The following AZIN1 variants were observed in gnomAD, a reference collection of about 807,000 sequenced individuals.
AZIN1 encodes ornithine decarboxylase antizyme inhibitor.
Under a neutral mutation model 47.4 loss-of-function variants are expected in AZIN1, and 12 were observed. The ratio of observed to expected loss-of-function variants is 0.25; its 90% confidence interval spans 0.16 to 0.41. The LOEUF is 0.41. Ranked by LOEUF, AZIN1 falls within the 10% of genes least tolerant of loss-of-function variation. The pLI is 1.00. For synonymous variants in AZIN1, 155 were observed against 176.3 expected (o/e 0.88, Z 0.96); for missense variants, 410 against 532.4 (o/e 0.77, Z 2.26).
At chr8:102,833,023 A>G (rs778518219) in intron 9 of AZIN1, 33 bp downstream of exon 9, 2 of 1,551,788 alleles carry the variant, frequency 1.3e-6, no homozygotes, top group East Asian at 4.5e-5. Context: ...ATTATCTACC[A>G]ACAAAAATAA....
chr8:102,834,786 G>T, intron 6 of AZIN1, 39 bp from the exon 7 acceptor site: 1 of 1,412,714 alleles, frequency 7.1e-7, no homozygotes, highest in East Asian at 2.3e-5. Context: ...GGAGCAGAAA[G>T]TTGTAGAGAC....
chr8:102,860,226 T>C (rs1260199971), intron 1 of AZIN1, among the ~76,000 whole-genome samples: 1 of 152,198 alleles, frequency 6.6e-6, no homozygotes, highest in Admixed American at 6.5e-5. Context: ...GAGGGCTCGG[T>C]TGGTCAGTAA....
At chr8:102,860,293 C>T (rs2513876) in intron 1 of AZIN1, among the ~76,000 whole-genome samples, 32,662 of 152,098 alleles carry the variant, frequency 0.21, 4,075 homozygotes, top group South Asian at 0.38. Context: ...GACGGAGTCT[C>T]GCTCTGTCAC....
intron 3 of AZIN1, 106 bp downstream of exon 3, chr8:102,843,445 C>G: frequency 1.1e-6 from 1 of 919,816 alleles, no homozygotes; most frequent in Non-Finnish European, 1.7e-6. Flanking sequence ...AATCAGATAG[C>G]ATATGAACCA....
At chr8:102,860,075 G>A (rs557024092) in intron 1 of AZIN1, among the ~76,000 whole-genome samples, 7 of 152,292 alleles carry the variant, frequency 4.6e-5, no homozygotes, top group African/African-American at 1.7e-4. Context: ...TATCCGGACA[G>A]TTAGGATAAA....
chr8:102,832,205 G>T (rs535591226), intron 9 of AZIN1, among the ~76,000 whole-genome samples: 19 of 151,954 alleles, frequency 1.3e-4, no homozygotes, highest in South Asian at 1.2e-3. Context: ...GAGAAATGAC[G>T]AATTCAATGT....
At chr8:102,860,800 G>A (rs1437557310) in intron 1 of AZIN1, among the ~76,000 whole-genome samples, 2 of 152,110 alleles carry the variant, frequency 1.3e-5, no homozygotes, top group Non-Finnish European at 2.9e-5. Context: ...ATCGTTCTGT[G>A]GTATTCTTTG....
At chr8:102,857,630 C>G (rs1216425793) in intron 2 of AZIN1, among the ~76,000 whole-genome samples, 1 of 151,868 alleles carries the variant, frequency 6.6e-6, no homozygotes, top group African/African-American at 2.4e-5. Context: ...CTCTATCTAT[C>G]TCTATCATCT....
intron 2 of AZIN1, among the ~76,000 whole-genome samples, chr8:102,846,435 T>C (rs950727497): frequency 1.3e-5 from 2 of 152,242 alleles, no homozygotes; most frequent in Non-Finnish European, 2.9e-5. Context: ...AACATGTTTA[T>C]AGCAGTCTCC....
intron 3 of AZIN1, among the ~76,000 whole-genome samples, chr8:102,841,511 G>C (rs1434586428): frequency 6.6e-6 from 1 of 152,176 alleles, no homozygotes; most frequent in Non-Finnish European, 1.5e-5. Flanking sequence ...GAGCTTCCCA[G>C]TGGCAACTGA....
intron 7 of AZIN1, 81 bp downstream of exon 7, chr8:102,834,585 C>T: frequency 9.3e-7 from 1 of 1,074,636 alleles, no homozygotes. Context: ...GAGTAATTCA[C>T]ACAGGCAGAA....
At position 102,834,209 on chromosome 8, in the gene AZIN1, T is replaced by G; in HGVS notation, c.721A>C (p.Thr241Pro). The change falls in exon 8 of 12, where the codon ACT (threonine) becomes CCT (proline). Residue 241 changes from threonine to proline, a missense_variant. This residue lies in a region of AZIN1 where 237 missense variants were observed against 309.4 expected (regional missense o/e 0.77). Transcript: ENST00000337198. Reference protein sequence around the residue: ...MLDIGGGFTGTEFQLEEVNHV... With the variant: ...MLDIGGGFTGPEFQLEEVNHV... ...TTTACCTCTTCCAATTGAAATTCAGTTCCCGTGAATCCTCCACCAATGTCT... is the reference window on the plus strand; with the variant it reads ...TTTACCTCTTCCAATTGAAATTCAGGTCCCGTGAATCCTCCACCAATGTCT... The G allele has an allele frequency of 6.2e-7, 1 of 1,612,868 alleles. No individual in the cohort carries two copies.
Position 102,834,273 on chromosome 8 carries a change from G to GA in AZIN1, c.667-11dup, listed in dbSNP as rs749314557. On this transcript the variant is annotated splice_polypyrimidine_tract_variant and intron_variant, in intron 7 of 11. Coordinates refer to ENST00000337198, the MANE Select transcript of AZIN1 (RefSeq NM_148174.4). ...TAAAGCCAATTTCTCCCTAGAGATG[G>GA]AAAAAAAAAATTTAAATGTTTTTCC... 1.8e-3 allele frequency: 2,807 copies of GA among 1,524,210 alleles called. No homozygotes were observed. Among genetic ancestry groups the GA allele is most frequent in the Non-Finnish European group, 2.0e-3 (2,218 of 1,121,508 alleles). The allele number at this position is 1,524,210 out of a possible 1,614,324, so 94.4% of individuals were successfully genotyped here.
At position 102,849,610 on chromosome 8, in the gene AZIN1, T is replaced by C. The variant is rs80280127; in HGVS notation, c.-95-5863A>G. Among the ~76,000 whole-genome samples, 8 of 152,320 alleles carry C rather than the reference T, an allele frequency of 5.3e-5. No homozygotes were observed. The East Asian group carries it at 1.3e-3, about 26-fold the overall frequency. ...GAACAGCAAATCTAGCTCTGATGTC[T>C]AGTATTATCAATAGACACTAGAAAG... On this transcript the variant is annotated intron_variant, in intron 2 of 11. Transcript: ENST00000337198.
rs201031581 is a variant in AZIN1 at position 102,829,956 on chromosome 8, G to A, written c.905-20C>T. ...TTTCTACTGGAATAAAACAGGAAAG[G>A]GGAAAATGAATTTTTAATAAAATGG... On this transcript the variant is annotated intron_variant, in intron 9 of 11. Transcript: ENST00000337198. 8 of 1,460,946 alleles carry A rather than the reference G, an allele frequency of 5.5e-6. No homozygotes were observed. The highest frequency in any genetic ancestry group is 2.3e-5 in the East Asian group (1 of 43,720). The allele number at this position is 1,460,946 out of a possible 1,614,324, so 90.5% of individuals were successfully genotyped here.
At chr8:102,830,462 T>C (rs1376952312) in intron 9 of AZIN1, among the ~76,000 whole-genome samples, 1 of 150,384 alleles carries the variant, frequency 6.6e-6, no homozygotes, top group African/African-American at 2.4e-5. Flanking sequence ...TGATAGTTGC[T>C]GTTTCAAAAA....
intron 2 of AZIN1, among the ~76,000 whole-genome samples, chr8:102,846,196 T>C (rs552173642): frequency 2.0e-5 from 3 of 152,332 alleles, no homozygotes; most frequent in African/African-American, 7.2e-5. Context: ...ACAACCATAG[T>C]GTTCTTAGGA....
At chr8:102,831,335 T>C (rs987191286) in intron 9 of AZIN1, among the ~76,000 whole-genome samples, 1 of 152,124 alleles carries the variant, frequency 6.6e-6, no homozygotes, top group South Asian at 2.1e-4. Flanking sequence ...AATTCAACAA[T>C]AGATGCTAAA....
rs558869351 is a variant in AZIN1, at chr8:102,839,909, C to T, written c.103-86G>A. 11 of 929,584 alleles carry T rather than the reference C, an allele frequency of 1.2e-5. No individual in the cohort carries two copies. The African/African-American group carries it at 1.3e-4, about 11-fold the overall frequency. The allele number at this position is 929,584 out of a possible 1,614,324, so 57.6% of individuals were successfully genotyped here. A position where few individuals can be genotyped will look rare whatever the true frequency, so the allele number is the denominator to read the frequency against. On this transcript the variant is annotated intron_variant, in intron 3 of 11. Transcript: ENST00000337198. ...AAAACAGGAAAGAACACCTCTTTTC[C>T]TCCACAAATATATGGGTCAAGACAT...
Sources: gnomAD v4.1 joint callset for allele counts (sites outside exome capture counted in the v4.1 genomes callset) on GRCh38, gnomAD v4.1.1 for gene constraint, gnomAD v4.1.1 regional missense constraint, MANE v1.5 for transcripts, NCBI Gene and HGNC (gene_info 2026-07-23, HGNC 2026-07-21) for gene names.